COL4A2: variants seen among roughly 807,000 people sequenced by gnomAD.
The protein encoded by COL4A2 is collagen alpha-2(IV) chain.
COL4A2 carries 99 observed loss-of-function variants against 200.2 expected under a neutral mutation model. The observed-to-expected ratio is 0.49, with a 90% CI of 0.42 to 0.58. The LOEUF (loss-of-function observed/expected upper bound fraction) is 0.58, where lower values mean the gene tolerates loss of function less well. Among genes scored for constraint, COL4A2 ranks in the 20% least tolerant of loss-of-function variants. The pLI is 0.00. For synonymous variants in COL4A2, 897 were observed against 900.6 expected (o/e 1.00, Z 0.07); for missense variants, 1,950 against 2,314.1 (o/e 0.84, Z 3.23).
intron 34 of COL4A2, among the ~76,000 whole-genome samples, chr13:110,488,023 G>C (rs527552371): frequency 9.3e-4 from 142 of 152,128 alleles, no homozygotes; most frequent in Non-Finnish European, 1.0e-3. Flanking sequence ...AGGAGCTTTT[G>C]TTTTGTTTTG....
chr13:110,334,871 C>A (rs1027192241), intron 3 of COL4A2, among the ~76,000 whole-genome samples: 1 of 152,198 alleles, frequency 6.6e-6, no homozygotes, highest in Non-Finnish European at 1.5e-5. Flanking sequence ...AGGGAAAATG[C>A]TGAACGTTCT....
intron 4 of COL4A2, among the ~76,000 whole-genome samples, chr13:110,416,522 A>G (rs762666636): frequency 9.2e-5 from 14 of 152,256 alleles, no homozygotes; most frequent in Non-Finnish European, 1.9e-4. Flanking sequence ...ATGCCAGGCA[A>G]AATCATATCC....
At chr13:110,465,026 C>G in intron 24 of COL4A2, among the ~76,000 whole-genome samples, 1 of 152,220 alleles carries the variant, frequency 6.6e-6, no homozygotes, top group East Asian at 1.9e-4. Flanking sequence ...AGCCATTTTA[C>G]CGATGCTAAA....
intron 31 of COL4A2, among the ~76,000 whole-genome samples, chr13:110,482,032 C>T (rs1882950838): frequency 6.6e-6 from 1 of 152,240 alleles, no homozygotes; most frequent in Non-Finnish European, 1.5e-5. Flanking sequence ...ATGGGTTGGT[C>T]TTTCCATTAC....
intron 3 of COL4A2, among the ~76,000 whole-genome samples, chr13:110,323,326 G>C (rs143560764): frequency 6.6e-6 from 1 of 152,204 alleles, no homozygotes; most frequent in African/African-American, 2.4e-5. Flanking sequence ...GTGATGCCCC[G>C]ATGCCTGGGA....
intron 3 of COL4A2, among the ~76,000 whole-genome samples, chr13:110,322,520 G>A (rs1008831051): frequency 6.6e-6 from 1 of 152,204 alleles, no homozygotes; most frequent in African/African-American, 2.4e-5. Context: ...ACAGGGGATG[G>A]ACGCGTCAAG....
intron 22 of COL4A2, 171 bp downstream of exon 22, chr13:110,459,105 A>C (rs773240145): frequency 3.3e-6 from 2 of 614,694 alleles, no homozygotes; most frequent in Non-Finnish European, 5.2e-6. Context: ...CGGACTTTCT[A>C]CATGTCCACT....
intron 4 of COL4A2, among the ~76,000 whole-genome samples, chr13:110,391,705 G>A (rs1409910525): frequency 6.6e-6 from 1 of 152,174 alleles, no homozygotes; most frequent in Admixed American, 6.5e-5. Context: ...TTCTTTCAGG[G>A]TCGTCATTGG....
chr13:110,370,561 T>TTTG lies in COL4A2; in HGVS notation c.180+13023_180+13025dup, dbSNP rs554630293. The stretch of plus-strand genomic sequence containing the variant: ...TGAGCCACCGTGCACAGCTTTGTAT[T>TTTG]TTGTTGTTGTTGTTGTGTTGTTGTT... On this transcript the variant is annotated intron_variant, in intron 4 of 47. Transcript: ENST00000360467. Among the ~76,000 whole-genome samples the TTTG allele has an allele frequency of 1.7e-3, 262 of 152,274 alleles. 2 individuals carry two copies. Among genetic ancestry groups the TTTG allele is most frequent in the African/African-American group, 6.2e-3 (258 of 41,554 alleles).
intron 3 of COL4A2, among the ~76,000 whole-genome samples, chr13:110,308,799 G>A (rs1457439744): frequency 6.6e-6 from 1 of 152,200 alleles, no homozygotes; most frequent in Non-Finnish European, 1.5e-5. Flanking sequence ...GCACTGCGAG[G>A]CTTTGTCCAT....
chr13:110,434,464 C>T, intron 12 of COL4A2, 22 bp downstream of exon 12: 1 of 1,610,950 alleles, frequency 6.2e-7, no homozygotes, highest in Non-Finnish European at 8.5e-7. Context: ...CTGGTCAATT[C>T]CAGCAGAGGC....
intron 20 of COL4A2, among the ~76,000 whole-genome samples, chr13:110,454,101 C>T (rs1459362807): frequency 6.6e-6 from 1 of 152,198 alleles, no homozygotes; most frequent in African/African-American, 2.4e-5. Context: ...TATTTTGCTT[C>T]CCCCTGTTCT....
At chr13:110,361,267 T>C (rs1877500232) in intron 4 of COL4A2, among the ~76,000 whole-genome samples, 1 of 152,256 alleles carries the variant, frequency 6.6e-6, no homozygotes, top group Non-Finnish European at 1.5e-5. Flanking sequence ...TGCAGAAGCA[T>C]TGCTCTGTCT....
intron 47 of COL4A2, among the ~76,000 whole-genome samples, chr13:110,509,520 C>G (rs895002646): frequency 1.3e-5 from 2 of 152,064 alleles, no homozygotes; most frequent in African/African-American, 2.4e-5. Context: ...GAGCAACCTT[C>G]TTTTGTTTCA....
intron 4 of COL4A2, among the ~76,000 whole-genome samples, chr13:110,404,083 C>T (rs1200821995): frequency 6.6e-6 from 1 of 152,210 alleles, no homozygotes; most frequent in African/African-American, 2.4e-5. Flanking sequence ...GAGTCCCCAC[C>T]TCTTAATGCC....
chr13:110,490,194 C>T (rs993580801), intron 36 of COL4A2, among the ~76,000 whole-genome samples: 3 of 152,222 alleles, frequency 2.0e-5, no homozygotes, highest in Admixed American at 6.5e-5. Flanking sequence ...GTCAGGCCAT[C>T]GCTTGAGAGA....
intron 47 of COL4A2, among the ~76,000 whole-genome samples, chr13:110,509,239 C>T (rs1172208068): frequency 1.7e-5 from 1 of 60,334 alleles, no homozygotes; most frequent in Non-Finnish European, 3.7e-5. Context: ...TTAAATATTT[C>T]ATAAATTATA....
chr13:110,485,944 G>A (rs540783535), intron 34 of COL4A2, 108 bp downstream of exon 34: 2 of 1,507,132 alleles, frequency 1.3e-6, no homozygotes, highest in African/African-American at 2.8e-5. Context: ...GTCAGTGGCA[G>A]GTTCAGGGCA....
intron 10 of COL4A2, among the ~76,000 whole-genome samples, chr13:110,431,888 C>T (rs1880693381): frequency 6.6e-6 from 1 of 152,242 alleles, no homozygotes; most frequent in Admixed American, 6.5e-5. Flanking sequence ...GGACTTTCCG[C>T]TCTGCAGTGC....
Sources: allele counts gnomAD v4.1 joint callset (sites outside exome capture counted in the v4.1 genomes callset), GRCh38; gene constraint gnomAD v4.1.1; transcripts MANE v1.5; gene names NCBI Gene and HGNC (gene_info 2026-07-23, HGNC 2026-07-21).